Variants in PCDHGA2 observed in about 807,000 individuals in gnomAD.
PCDHGA2 encodes protocadherin gamma-A2.
A neutral mutation model predicts 59.2 loss-of-function variants in PCDHGA2; 40 were observed. That is an observed-to-expected ratio of 0.68 (90% confidence interval 0.52 to 0.88). The LOEUF (loss-of-function observed/expected upper bound fraction) is 0.88. Ranked by LOEUF, PCDHGA2 falls within the 40% of genes least tolerant of loss-of-function variation. The pLI is 0.00. For missense variants in PCDHGA2, 1,226 were observed against 1,204.0 expected (o/e 1.02, Z -0.27); for synonymous variants, 560 against 526.0 (o/e 1.06, Z -0.89).
At chr5:141,366,447 C>T in intron 1 of PCDHGA2, 1 of 1,614,210 alleles carries the variant, frequency 6.2e-7, no homozygotes, top group South Asian at 1.1e-5. Flanking sequence ...GTCTTCCTGG[C>T]CTTCGTCATC....
At chr5:141,482,048 G>T (rs375214441) in intron 1 of PCDHGA2, among the ~76,000 whole-genome samples, 12 of 150,156 alleles carry the variant, frequency 8.0e-5, no homozygotes, top group Middle Eastern at 6.9e-3. Flanking sequence ...TCATGCTGTT[G>T]CATTCCAGCC....
At chr5:141,410,765 T>C (rs1238144239) in intron 1 of PCDHGA2, 1 of 1,066,570 alleles carries the variant, frequency 9.4e-7, no homozygotes, top group Non-Finnish European at 1.3e-6. Flanking sequence ...TTTTCAATTA[T>C]AGTTTTCACT....
In PCDHGA2 at chr5:141,491,425, C is replaced by CA; in HGVS notation, c.2425-3381dup. The CA allele has an allele frequency of 6.2e-7, 1 of 1,614,076 alleles. No homozygotes were observed. The highest frequency in any genetic ancestry group is 8.5e-7 in the Non-Finnish European group (1 of 1,179,996). On this transcript the variant is annotated intron_variant, in intron 1 of 3. Coordinates refer to ENST00000394576, the MANE Select transcript of PCDHGA2 (RefSeq NM_018915.4). The surrounding 1 kb of genome is among the most constrained non-coding windows in gnomAD (Gnocchi z 6.9). ...CGCAGACGGGGACGGGGGTGGAGGG[C>CA]AGTGCTGCAGGCGCCAGGACTCACC...
chr5:141,386,119 G>T (rs2090470238), intron 1 of PCDHGA2: 1 of 152,186 alleles, frequency 6.6e-6, no homozygotes, highest in Non-Finnish European at 1.5e-5. Context: ...ATCAAAGTGG[G>T]AGATTGGGGA....
chr5:141,385,962 A>G (rs997092778), intron 1 of PCDHGA2: 1 of 152,264 alleles, frequency 6.6e-6, no homozygotes, highest in Admixed American at 6.5e-5. Context: ...ACTAAAGGCC[A>G]TCGGACAAAA....
intron 1 of PCDHGA2, chr5:141,399,117 A>C (rs370431268): frequency 6.2e-6 from 10 of 1,613,848 alleles, no homozygotes; most frequent in Non-Finnish European, 8.5e-6. Flanking sequence ...GTACAGTTGA[A>C]ATTAATATTC....
rs781367282 is a variant in PCDHGA2 at position 141,485,525 on chromosome 5, C to G, written c.2425-9282C>G. On this transcript the variant is annotated intron_variant, in intron 1 of 3. Transcript: ENST00000394576. This position sits in a 1 kb window ranked among gnomAD's most constrained non-coding sequence, Gnocchi z 5.7. ...CACCGAAGGTCCTTTGGAAATGTAC[C>G]GAGCAGAGGTAGAGATCGTAGATGT... is the stretch of plus-strand genomic sequence containing the variant. 5 of 1,614,122 alleles carry G rather than the reference C, an allele frequency of 3.1e-6. No homozygotes were observed. The highest frequency in any genetic ancestry group is 2.5e-6 in the Non-Finnish European group (3 of 1,180,022).
At chr5:141,469,425 C>T (rs1035406646) in intron 1 of PCDHGA2, among the ~76,000 whole-genome samples, 1 of 151,622 alleles carries the variant, frequency 6.6e-6, no homozygotes, top group East Asian at 1.9e-4. Context: ...AAATATAAAA[C>T]TTAGCTGGGC....
At chr5:141,383,255 T>C (rs772221697) in intron 1 of PCDHGA2, 32 of 1,613,816 alleles carry the variant, frequency 2.0e-5, no homozygotes, top group African/African-American at 2.7e-5. Flanking sequence ...CTTTACCCTA[T>C]AGACGTGGAA....
intron 1 of PCDHGA2, chr5:141,377,929 C>T: frequency 6.6e-6 from 1 of 152,184 alleles, no homozygotes; most frequent in East Asian, 1.9e-4. Flanking sequence ...CCACCTGTAA[C>T]TGCTGCTTAT....
At chr5:141,494,889 A>G (rs2099757275) in intron 2 of PCDHGA2, 24 bp downstream of exon 2, 1 of 1,613,844 alleles carries the variant, frequency 6.2e-7, no homozygotes, top group Admixed American at 1.7e-5. Context: ...TCTCCAGCCC[A>G]CCCTCTTCTC....
chr5:141,370,214 C>T (rs988145754), intron 1 of PCDHGA2: 21 of 565,608 alleles, frequency 3.7e-5, no homozygotes, highest in African/African-American at 3.8e-5. Context: ...ATTGGCTCCT[C>T]CCGCTGCAGC....
At position 141,404,162 on chromosome 5, in the gene PCDHGA2, T is replaced by C. The variant is rs768188662; in HGVS notation, c.2424+62767T>C. The C allele has an allele frequency of 2.0e-5, 33 of 1,613,076 alleles. No homozygotes were observed. In the East Asian group the frequency reaches 7.4e-4, roughly 36 times the overall value. ...AAATTCAGAAGAAGATTATTACAGA[T>C]TGTTGACGGCCCAAATTCTTGACCG... On this transcript the variant is annotated intron_variant, in intron 1 of 3. Transcript: ENST00000394576.
In PCDHGA2 at chr5:141,476,466, A is replaced by C. The variant is rs771760524; in HGVS notation, c.2425-18341A>C. The C allele has an allele frequency of 6.2e-7, 1 of 1,613,996 alleles. No individual in the cohort carries two copies. Reference sequence around the variant, plus strand: ...GAGTTGGTAGTGGAGAACCCGCTGGAGCTGTTCAGCGTGGAAGTGGTGATC... The same window carrying C: ...GAGTTGGTAGTGGAGAACCCGCTGGCGCTGTTCAGCGTGGAAGTGGTGATC... On this transcript the variant is annotated intron_variant, in intron 1 of 3. Transcript: ENST00000394576. This position sits in a 1 kb window ranked among gnomAD's most constrained non-coding sequence, Gnocchi z 7.6.
chr5:141,339,996 A>G lies in PCDHGA2; in HGVS notation c.1025A>G (p.Asp342Gly), dbSNP rs894552343. The G allele has an allele frequency of 3.7e-6, 6 of 1,614,002 alleles. No individual in the cohort carries two copies. The highest frequency in any genetic ancestry group is 4.2e-6 in the Non-Finnish European group (5 of 1,180,030). Reference sequence around the variant, plus strand: ...ATCGTCACGGTTCTGGATGTGAATGACAATGCCCCAGAATTTTACATGACA... The same window carrying G: ...ATCGTCACGGTTCTGGATGTGAATGGCAATGCCCCAGAATTTTACATGACA... Reference protein sequence around the residue: ...KVIVTVLDVNDNAPEFYMTSA... With the variant: ...KVIVTVLDVNGNAPEFYMTSA... Residue 342 changes from aspartate to glycine, a missense_variant, in exon 1 of 4, where the codon GAC (aspartate) becomes GGC (glycine). By Grantham distance (94) the Asp-to-Gly change is moderately conservative (BLOSUM62 -1). Transcript: ENST00000394576.
rs753202774 is a variant in PCDHGA2, at chr5:141,487,875, C to A, written c.2425-6932C>A. 33 of 828,628 alleles carry A rather than the reference C, an allele frequency of 4.0e-5. No individual in the cohort carries two copies. Among genetic ancestry groups the A allele is most frequent in the Non-Finnish European group, 5.8e-5 (31 of 536,030 alleles). The allele number at this position is 828,628 out of a possible 1,614,324, so 51.3% of individuals were successfully genotyped here. A position where few individuals can be genotyped will look rare whatever the true frequency, so the allele number is the denominator to read the frequency against. The stretch of plus-strand genomic sequence containing the variant: ...AAGTAATTGGTGATCAAGAGCCAGG[C>A]TGTTGTGGAAGCATGATGATGGAAT... On this transcript the variant is annotated intron_variant, in intron 1 of 3. Coordinates refer to ENST00000394576, the MANE Select transcript of PCDHGA2 (RefSeq NM_018915.4). The surrounding 1 kb of genome is among the most constrained non-coding windows in gnomAD (Gnocchi z 5.0).
chr5:141,489,530 G>A lies in PCDHGA2; in HGVS notation c.2425-5277G>A. 6.2e-7 allele frequency: 1 copy of A among 1,614,092 alleles called. No homozygotes were observed. Among genetic ancestry groups the A allele is most frequent in the Non-Finnish European group, 8.5e-7 (1 of 1,180,022 alleles). On this transcript the variant is annotated intron_variant, in intron 1 of 3. Transcript: ENST00000394576. This position sits in a 1 kb window ranked among gnomAD's most constrained non-coding sequence, Gnocchi z 4.5. ...AAGATTGACCGAGAAAGCCTATGTGGAGCCAGCACCAGCTGCCTGCTGCCA... is the reference window on the plus strand; with the variant it reads ...AAGATTGACCGAGAAAGCCTATGTGAAGCCAGCACCAGCTGCCTGCTGCCA...
chr5:141,375,759 C>A lies in PCDHGA2; in HGVS notation c.2424+34364C>A, dbSNP rs757946718. 3.7e-6 allele frequency: 6 copies of A among 1,614,126 alleles called. No individual in the cohort carries two copies. The African/African-American group carries it at 5.3e-5, about 14-fold the overall frequency. ...TTTGTGCTGGACCAGAATGACAATG[C>A]GCCCGAGATCCTGTACCCCGCCCTC... On this transcript the variant is annotated intron_variant, in intron 1 of 3. Coordinates refer to ENST00000394576, the MANE Select transcript of PCDHGA2 (RefSeq NM_018915.4).
chr5:141,464,063 A>G (rs893270944), intron 1 of PCDHGA2, among the ~76,000 whole-genome samples: 2 of 152,016 alleles, frequency 1.3e-5, no homozygotes, highest in Non-Finnish European at 2.9e-5. Flanking sequence ...TCAGGAGTTC[A>G]AGGCCAGCCT....
Sources: allele counts gnomAD v4.1 joint callset (sites outside exome capture counted in the v4.1 genomes callset), GRCh38; gene constraint gnomAD v4.1.1; non-coding constraint Gnocchi (gnomAD v3.1); transcripts MANE v1.5; gene names NCBI Gene and HGNC (gene_info 2026-07-23, HGNC 2026-07-21).